The following TET3 variants were observed in gnomAD, a reference collection of about 807,000 sequenced individuals.
TET3 encodes methylcytosine dioxygenase TET3.
In TET3, 19 loss-of-function variants were observed where a neutral mutation model predicts 141.4. The observed-to-expected ratio is 0.13, with a 90% CI of 0.09 to 0.20. The LOEUF (loss-of-function observed/expected upper bound fraction) is 0.20. Ranked by LOEUF, TET3 falls within the 10% of genes least tolerant of loss-of-function variation. TET3 has a pLI of 1.00. For synonymous variants in TET3, 1,043 were observed against 980.9 expected, an observed-to-expected ratio of 1.06 and a Z score of -1.18; for missense variants, 1,874 against 2,356.9, an observed-to-expected ratio of 0.80 and a Z score of 4.24.
At chr2:74,002,944 G>C in intron 2 of TET3, 166 bp from the exon 3 acceptor site, 1 of 661,838 alleles carries the variant, frequency 1.5e-6, no homozygotes, top group Admixed American at 2.6e-5. Flanking sequence ...TGATCCAGGC[G>C]GCAGCTGGAG....
chr2:73,984,190 C>A (rs2105044399), upstream of TET3, among the ~76,000 whole-genome samples: 3 of 152,364 alleles, frequency 2.0e-5, no homozygotes, highest in Middle Eastern at 6.8e-3. The surrounding 1 kb of genome is among the most constrained non-coding windows in gnomAD (Gnocchi z 5.6). Context: ...CGCCCGTTCC[C>A]CCTCCTCTGG....
At chr2:74,019,995 G>T (rs1030433370) in intron 3 of TET3, among the ~76,000 whole-genome samples, 3 of 152,296 alleles carry the variant, frequency 2.0e-5, no homozygotes, top group Admixed American at 6.5e-5. Flanking sequence ...ACTCATCAAG[G>T]CTGGAAGCAG....
In TET3 at chr2:74,066,147, T is replaced by A. The variant is rs866747897; in HGVS notation, c.2495-7402T>A. Among the ~76,000 whole-genome samples, 5 of 152,322 alleles carry A rather than the reference T, an allele frequency of 3.3e-5. No individual in the cohort carries two copies. In the East Asian group the frequency reaches 9.6e-4, roughly 29 times the overall value. ...AGCTACTAGAATGTCATTGCTCTTA[T>A]GTTTCTCCAGTGGACAGGACCCGAG... is the stretch of plus-strand genomic sequence containing the variant. On this transcript the variant is annotated intron_variant, in intron 4 of 11. Coordinates refer to ENST00000409262, the MANE Select transcript of TET3 (RefSeq NM_001287491.2).
chr2:74,098,966 G>A (rs1283409272), intron 10 of TET3, among the ~76,000 whole-genome samples: 3 of 152,228 alleles, frequency 2.0e-5, no homozygotes, highest in Non-Finnish European at 4.4e-5. Context: ...TCAGTGCTAT[G>A]CCAGAGGGCA....
the TET3 span, among the ~76,000 whole-genome samples, chr2:74,114,863 A>AAAAAAAAAAAAAAAAAAAAC: frequency 6.7e-6 from 1 of 149,132 alleles, no homozygotes; most frequent in Admixed American, 6.7e-5. Flanking sequence ...CAAAAAAAAA[A>AAAAAAAAAAAAAAAAAAAAC]AAAAAAAAAA....
intron 4 of TET3, among the ~76,000 whole-genome samples, chr2:74,072,253 C>T (rs528421900): frequency 5.9e-5 from 9 of 152,320 alleles, no homozygotes; most frequent in Admixed American, 5.9e-4. Context: ...CAGCTTATGC[C>T]TGTAATCCCA....
chr2:73,988,043 C>T (rs1406047246), intron 2 of TET3, among the ~76,000 whole-genome samples: 1 of 152,192 alleles, frequency 6.6e-6, no homozygotes, highest in South Asian at 2.1e-4. Flanking sequence ...CCAGGGACTG[C>T]AGACTCGGGG....
At chr2:74,085,560 T>C (rs1330375746) in intron 6 of TET3, among the ~76,000 whole-genome samples, 3 of 152,268 alleles carry the variant, frequency 2.0e-5, no homozygotes, top group Non-Finnish European at 4.4e-5. Context: ...CACCAGGGAC[T>C]GGTTTCGTGG....
the TET3 span, chr2:74,122,511 A>ATATATTTT: frequency 4.2e-5 from 2 of 47,556 alleles, no homozygotes; most frequent in East Asian, 9.1e-4. Context: ...ATATATATAT[A>ATATATTTT]TTTTTTTTTT....
At position 73,984,930 on chromosome 2, in the gene TET3, TTGC is replaced by T. The variant is rs981906309; in HGVS notation, c.-639_-637del. 5.5e-5 allele frequency among the ~76,000 whole-genome samples: 8 copies of T among 145,632 alleles called. No homozygotes were observed. The highest frequency in any genetic ancestry group is 1.7e-4 in the African/African-American group (7 of 40,464). On this transcript the variant is annotated 5_prime_UTR_variant, in exon 1 of 12. Coordinates refer to ENST00000409262, the MANE Select transcript of TET3 (RefSeq NM_001287491.2). This position sits in a 1 kb window ranked among gnomAD's most constrained non-coding sequence, Gnocchi z 5.6. ...GCGGGGAGTCCCGCGGACGCCTTCA[TTGC>T]TGCTGCTGCTGCCGCCGCGGCCGCC...
rs1175416807 is a variant in TET3, at chr2:74,093,192, C to T, written c.3129+201C>T. 6.6e-6 allele frequency among the ~76,000 whole-genome samples: 1 copy of T among 152,224 alleles called. No homozygotes were observed. The highest frequency in any genetic ancestry group is 1.5e-5 in the Non-Finnish European group (1 of 68,046). ...ACCTGCATCCCACACCGTCCCTCTT[C>T]TATCCTGGTCTTCTCCCTTCCCCTG... is the stretch of plus-strand genomic sequence containing the variant. On this transcript the variant is annotated intron_variant, in intron 9 of 11. Coordinates refer to ENST00000409262, the MANE Select transcript of TET3 (RefSeq NM_001287491.2). The surrounding 1 kb of genome is among the most constrained non-coding windows in gnomAD (Gnocchi z 4.2).
chr2:74,068,240 G>A (rs1257109677), intron 4 of TET3, among the ~76,000 whole-genome samples: 1 of 151,640 alleles, frequency 6.6e-6, no homozygotes, highest in Non-Finnish European at 1.5e-5. Flanking sequence ...GTTTAAACTT[G>A]CTTTTACTCT....
At chr2:73,990,073 C>T (rs748188147) in intron 2 of TET3, among the ~76,000 whole-genome samples, 1 of 152,112 alleles carries the variant, frequency 6.6e-6, no homozygotes, top group Non-Finnish European at 1.5e-5. Context: ...GCATAAACAA[C>T]TGTGCATTAG....
the TET3 span, chr2:74,130,974 G>A: frequency 1.3e-5 from 2 of 152,190 alleles, no homozygotes; most frequent in Non-Finnish European, 2.9e-5. Context: ...GCCCCATCGA[G>A]GGAAAAGGGG....
rs559492274 is a variant in TET3 at position 73,986,993 on chromosome 2, C to T, written c.303+287C>T. Among the ~76,000 whole-genome samples the T allele has an allele frequency of 3.2e-4, 49 of 152,290 alleles. No homozygotes were observed. In the South Asian group the frequency reaches 9.8e-3, roughly 30 times the overall value. On this transcript the variant is annotated intron_variant, in intron 2 of 11. Transcript: ENST00000409262. The stretch of plus-strand genomic sequence containing the variant: ...CCTTTACCTCTAGAAGTTTCTTGTC[C>T]TGCTGCTTGAAGCCTCAGATGTTGT...
intron 1 of TET3, among the ~76,000 whole-genome samples, chr2:73,985,543 A>C (rs1180431011): frequency 1.4e-5 from 2 of 145,908 alleles, no homozygotes; most frequent in East Asian, 2.1e-4. Context: ...CGGGCTGCCC[A>C]GGGCGCGCCC....
chr2:73,986,118 G>T lies in TET3; in HGVS notation c.-286G>T. On this transcript the variant is annotated 5_prime_UTR_variant, in exon 2 of 12. Coordinates refer to ENST00000409262, the MANE Select transcript of TET3 (RefSeq NM_001287491.2). Reference sequence around the variant, plus strand: ...GGTGGGTGAGGGTGAAGAACCCACCGGGCCAAGATGATCCCTTTTCTGAGG... The same window carrying T: ...GGTGGGTGAGGGTGAAGAACCCACCTGGCCAAGATGATCCCTTTTCTGAGG... 3.5e-6 allele frequency: 1 copy of T among 285,656 alleles called. No homozygotes were observed. The highest frequency in any genetic ancestry group is 6.5e-6 in the Non-Finnish European group (1 of 154,720). 17.7% of individuals were successfully genotyped at this position (285,656 alleles called of 1,614,324 possible).
chr2:74,034,237 C>G (rs1356361296), intron 3 of TET3, among the ~76,000 whole-genome samples: 1 of 147,224 alleles, frequency 6.8e-6, no homozygotes, highest in African/African-American at 2.5e-5. Context: ...CAAGGTATGG[C>G]TGTATTATAG....
At chr2:73,999,245 AG>A (rs1573648000) in intron 2 of TET3, among the ~76,000 whole-genome samples, 1 of 152,134 alleles carries the variant, frequency 6.6e-6, no homozygotes, top group Non-Finnish European at 1.5e-5. Context: ...GCTGCAAGTG[AG>A]GGGGTGGCAA....
Sources: gnomAD v4.1 joint callset for allele counts (sites outside exome capture counted in the v4.1 genomes callset) on GRCh38, gnomAD v4.1.1 for gene constraint, Gnocchi (gnomAD v3.1) non-coding constraint, MANE v1.5 for transcripts, NCBI Gene and HGNC (gene_info 2026-07-23, HGNC 2026-07-21) for gene names.